The following ADAMTS14 variants were observed in gnomAD, a reference collection of about 807,000 sequenced individuals.
ADAMTS14 encodes the protein ADAM metallopeptidase with thrombospondin type 1 motif 14.
A neutral mutation model predicts 128.6 loss-of-function variants in ADAMTS14; 100 were observed. That is an observed-to-expected ratio of 0.78 (90% CI 0.66 to 0.92). The LOEUF is 0.92. Among genes scored for constraint, ADAMTS14 ranks in the 40% least tolerant of loss-of-function variants. The pLI, the probability that ADAMTS14 is intolerant of heterozygous loss-of-function variation, is 0.00. For synonymous variants in ADAMTS14, 665 were observed against 653.8 expected, an observed-to-expected ratio of 1.02 and a Z score of -0.26; for missense variants, 1,562 against 1,658.6, an observed-to-expected ratio of 0.94 and a Z score of 1.01.
chr10:70,695,238 A>G (rs554147317), intron 2 of ADAMTS14, among the ~76,000 whole-genome samples: 5 of 152,276 alleles, frequency 3.3e-5, no homozygotes, highest in Admixed American at 2.0e-4. Flanking sequence ...AGTTCTTTAT[A>G]TATTCCAGAT....
intron 12 of ADAMTS14, among the ~76,000 whole-genome samples, chr10:70,741,606 T>A (rs972913194): frequency 6.6e-6 from 1 of 152,166 alleles, no homozygotes; most frequent in South Asian, 2.1e-4. Context: ...TATTACACGC[T>A]GTGTTTTTAG....
intron 14 of ADAMTS14, among the ~76,000 whole-genome samples, chr10:70,744,521 T>A (rs781263204): frequency 6.6e-5 from 10 of 152,222 alleles, no homozygotes; most frequent in Non-Finnish European, 1.2e-4. Flanking sequence ...TCTAAAGGTG[T>A]AGCCAAGACT....
intron 13 of ADAMTS14, 23 bp downstream of exon 13, chr10:70,743,704 C>A: frequency 1.3e-6 from 2 of 1,547,760 alleles, no homozygotes; most frequent in East Asian, 2.3e-5. Flanking sequence ...CCAGCCACCC[C>A]GACTACCGGC....
intron 4 of ADAMTS14, among the ~76,000 whole-genome samples, chr10:70,721,751 C>G (rs945224013): frequency 6.6e-6 from 1 of 152,200 alleles, no homozygotes; most frequent in African/African-American, 2.4e-5. Context: ...GTTCCCCTAA[C>G]TTCTTCACAT....
intron 7 of ADAMTS14, among the ~76,000 whole-genome samples, chr10:70,733,135 C>G (rs1239582408): frequency 6.6e-6 from 1 of 152,210 alleles, no homozygotes; most frequent in Non-Finnish European, 1.5e-5. Context: ...CTCTCCACAC[C>G]TGCAACATGG....
At chr10:70,725,431 A>T (rs955960772) in intron 4 of ADAMTS14, among the ~76,000 whole-genome samples, 2 of 152,180 alleles carry the variant, frequency 1.3e-5, no homozygotes, top group African/African-American at 4.8e-5. Context: ...TCCTGTGAGT[A>T]GCATAGAAAC....
intron 2 of ADAMTS14, among the ~76,000 whole-genome samples, chr10:70,699,213 T>G (rs1203955077): frequency 6.6e-6 from 1 of 152,188 alleles, no homozygotes; most frequent in African/African-American, 2.4e-5. Flanking sequence ...TGGCACTTAC[T>G]TGCTGGGTGA....
intron 2 of ADAMTS14, among the ~76,000 whole-genome samples, chr10:70,686,466 G>T (rs2132548321): frequency 1.1e-5 from 1 of 92,390 alleles, no homozygotes; most frequent in African/African-American, 4.0e-5. Context: ...GATTACTTGA[G>T]ATTAGGGATT....
chr10:70,680,231 G>A (rs577534662), intron 2 of ADAMTS14, among the ~76,000 whole-genome samples: 30 of 151,992 alleles, frequency 2.0e-4, no homozygotes, highest in East Asian at 1.5e-3. Context: ...GAGAAACCCC[G>A]CCTCCACTAA....
intron 2 of ADAMTS14, among the ~76,000 whole-genome samples, chr10:70,691,001 C>T (rs1840167659): frequency 6.9e-6 from 1 of 144,748 alleles, no homozygotes; most frequent in Admixed American, 6.8e-5. Context: ...CGCTTGGCTC[C>T]TGGGCACTCG....
chr10:70,695,967 A>G (rs1047544593), intron 2 of ADAMTS14, among the ~76,000 whole-genome samples: 1 of 152,194 alleles, frequency 6.6e-6, no homozygotes, highest in Non-Finnish European at 1.5e-5. Context: ...GTTTCCAGGA[A>G]GTGGTGGCTC....
chr10:70,748,227 GGGACTGGGTCT>G (rs1236224212), intron 15 of ADAMTS14, among the ~76,000 whole-genome samples: 2 of 152,190 alleles, frequency 1.3e-5, no homozygotes, highest in Admixed American at 6.5e-5. Flanking sequence ...GCCTGGATTC[GGGACTGGGTCT>G]GGACAGTGGA....
intron 2 of ADAMTS14, among the ~76,000 whole-genome samples, chr10:70,683,624 T>G (rs991881192): frequency 6.6e-6 from 1 of 152,226 alleles, no homozygotes; most frequent in Non-Finnish European, 1.5e-5. Context: ...ATCATTCTTG[T>G]GTAACAAATC....
intron 15 of ADAMTS14, 100 bp downstream of exon 15, chr10:70,745,406 G>C: frequency 9.0e-6 from 11 of 1,221,022 alleles, no homozygotes; most frequent in Non-Finnish European, 1.2e-5. Context: ...AGTACAAGTG[G>C]AATTGTACTA....
At chr10:70,687,860 G>A (rs1840028988) in intron 2 of ADAMTS14, among the ~76,000 whole-genome samples, 3 of 72,432 alleles carry the variant, frequency 4.1e-5, no homozygotes, top group African/African-American at 1.5e-4. Context: ...GGCCGGGCGG[G>A]GGGCTGACCC....
intron 10 of ADAMTS14, 130 bp from the exon 11 acceptor site, chr10:70,738,711 GC>G (rs1841902559): frequency 7.9e-7 from 1 of 1,267,648 alleles, no homozygotes; most frequent in Non-Finnish European, 1.1e-6. Context: ...GTTTAAGGCT[GC>G]TCAGCTCATG....
chr10:70,703,654 C>A (rs2132598307), intron 3 of ADAMTS14, among the ~76,000 whole-genome samples: 1 of 152,314 alleles, frequency 6.6e-6, no homozygotes, highest in Non-Finnish European at 1.5e-5. Context: ...ATTCTGAATC[C>A]AAAGACCATA....
intron 3 of ADAMTS14, among the ~76,000 whole-genome samples, chr10:70,706,975 A>G (rs887196969): frequency 6.6e-6 from 1 of 152,160 alleles, no homozygotes; most frequent in Non-Finnish European, 1.5e-5. Flanking sequence ...AACAATCACA[A>G]TGGATTGTGC....
Position 70,729,208 on chromosome 10 carries a change from T to C in ADAMTS14, c.871-86T>C, listed in dbSNP as rs151099982. Reference sequence around the variant, plus strand: ...TGATAAGGTCACGGTGGGGATACCATATGTTAGGTACCTACCCCAGTACCT... The same window carrying C: ...TGATAAGGTCACGGTGGGGATACCACATGTTAGGTACCTACCCCAGTACCT... On this transcript the variant is annotated intron_variant, in intron 4 of 21. Transcript: ENST00000373207. 2.7e-4 allele frequency: 305 copies of C among 1,131,840 alleles called. 4 individuals carry two copies. The East Asian group carries it at 6.9e-3, about 26-fold the overall frequency. The allele number at this position is 1,131,840 out of a possible 1,614,324, so 70.1% of individuals were successfully genotyped here. A position where few individuals can be genotyped will look rare whatever the true frequency, so the allele number is the denominator to read the frequency against.
Sources: allele counts gnomAD v4.1 joint callset (sites outside exome capture counted in the v4.1 genomes callset), GRCh38; gene constraint gnomAD v4.1.1; transcripts MANE v1.5; gene names NCBI Gene and HGNC (gene_info 2026-07-23, HGNC 2026-07-21).